RAD54L2: variants seen among roughly 807,000 people sequenced by gnomAD.
RAD54L2 encodes the protein RAD54 like 2.
In RAD54L2, 27 loss-of-function variants were observed where a neutral mutation model predicts 138.4. That is an observed-to-expected ratio of 0.20 (90% CI 0.14 to 0.27). The LOEUF is 0.27. Among genes scored for constraint, RAD54L2 ranks in the 10% least tolerant of loss-of-function variants. RAD54L2 has a pLI of 1.00. For synonymous variants in RAD54L2, 644 were observed against 723.2 expected, an observed-to-expected ratio of 0.89 and a Z score of 1.76; for missense variants, 1,396 against 1,890.2, an observed-to-expected ratio of 0.74 and a Z score of 4.85.
In RAD54L2 at chr3:51,643,734, C is replaced by A. The variant is rs1444394487; in HGVS notation, c.2351-141C>A. The A allele has an allele frequency of 1.0e-5, 7 of 696,818 alleles. No homozygotes were observed. In the East Asian group the frequency reaches 1.7e-4, roughly 17 times the overall value. 43.2% of individuals were successfully genotyped at this position (696,818 alleles called of 1,614,324 possible). ...ATGCCTGGGCCTTACTTACTGTAGA[C>A]CCATGATACGTCCAAGGGGTGAGAT... is the stretch of plus-strand genomic sequence containing the variant. On this transcript the variant is annotated intron_variant, in intron 15 of 22. Transcript: ENST00000684192.
At chr3:51,566,466 GTTTTTTTTTT>G (rs71084149) in intron 2 of RAD54L2, among the ~76,000 whole-genome samples, 381 of 31,514 alleles carry the variant, frequency 0.012, no homozygotes, top group Middle Eastern at 0.023. Flanking sequence ...CCTTTTCTGC[GTTTTTTTTTT>G]TTTTTTTTTT....
intron 14 of RAD54L2, among the ~76,000 whole-genome samples, chr3:51,640,946 C>T (rs973160423): frequency 2.6e-5 from 4 of 152,102 alleles, no homozygotes; most frequent in East Asian, 3.9e-4. Flanking sequence ...TCCCATTATA[C>T]GCTAGGAAGG....
chr3:51,584,554 A>G (rs1190459510), intron 2 of RAD54L2, among the ~76,000 whole-genome samples: 2 of 151,308 alleles, frequency 1.3e-5, no homozygotes, highest in Admixed American at 6.6e-5. Flanking sequence ...AACAGTCCAT[A>G]GTGGATCTCT....
chr3:51,558,631 T>G (rs1699027949), intron 2 of RAD54L2, among the ~76,000 whole-genome samples: 1 of 152,074 alleles, frequency 6.6e-6, no homozygotes, highest in South Asian at 2.1e-4. Flanking sequence ...CCACTATGCC[T>G]GGCTAATTCT....
chr3:51,652,932 A>G (rs924934310), intron 19 of RAD54L2, among the ~76,000 whole-genome samples: 1 of 152,226 alleles, frequency 6.6e-6, no homozygotes, highest in Non-Finnish European at 1.5e-5. Context: ...GACAAATGGG[A>G]TCTAATTAAA....
intron 2 of RAD54L2, among the ~76,000 whole-genome samples, chr3:51,572,455 A>C (rs1699357614): frequency 6.7e-6 from 1 of 149,136 alleles, no homozygotes. Flanking sequence ...TCCGTCTTAA[A>C]AAAAAAAAAA....
intron 2 of RAD54L2, among the ~76,000 whole-genome samples, chr3:51,570,883 A>G (rs1321348032): frequency 1.3e-5 from 2 of 151,676 alleles, no homozygotes; most frequent in Non-Finnish European, 2.9e-5. Context: ...GTGCAATGGC[A>G]TGATCTTGGC....
chr3:51,613,043 C>T (rs1351311706), intron 3 of RAD54L2, among the ~76,000 whole-genome samples: 4 of 152,014 alleles, frequency 2.6e-5, no homozygotes, highest in Non-Finnish European at 4.4e-5. Context: ...GGGTTCATGC[C>T]ATTCTCCAGC....
At chr3:51,582,923 G>A (rs894030902) in intron 2 of RAD54L2, among the ~76,000 whole-genome samples, 9 of 152,040 alleles carry the variant, frequency 5.9e-5, no homozygotes, top group South Asian at 2.1e-4. Flanking sequence ...CCGCCACCGC[G>A]CCCGGCTAAT....
At chr3:51,558,037 G>A (rs1050197665) in intron 2 of RAD54L2, among the ~76,000 whole-genome samples, 1 of 151,794 alleles carries the variant, frequency 6.6e-6, no homozygotes. Flanking sequence ...GTAGAGAGAG[G>A]GTTTTACCGT....
intron 2 of RAD54L2, among the ~76,000 whole-genome samples, chr3:51,585,729 A>G (rs371284964): frequency 1.2e-3 from 176 of 152,260 alleles, no homozygotes; most frequent in African/African-American, 4.1e-3. Flanking sequence ...AATATATTAA[A>G]CTGTAGACTT....
intron 2 of RAD54L2, among the ~76,000 whole-genome samples, chr3:51,569,627 C>A (rs1377511975): frequency 1.3e-5 from 2 of 152,142 alleles, no homozygotes; most frequent in Non-Finnish European, 2.9e-5. Flanking sequence ...CATGATCCGC[C>A]TGCCTTGGCC....
intron 2 of RAD54L2, among the ~76,000 whole-genome samples, chr3:51,576,572 T>G (rs1194069364): frequency 6.6e-6 from 1 of 152,180 alleles, no homozygotes; most frequent in Non-Finnish European, 1.5e-5. Context: ...TGGTTTAGTC[T>G]TGGGAGGGTG....
intron 19 of RAD54L2, among the ~76,000 whole-genome samples, chr3:51,652,041 T>C (rs1701452968): frequency 6.6e-6 from 1 of 152,232 alleles, no homozygotes; most frequent in Non-Finnish European, 1.5e-5. Context: ...GAAAACCCCA[T>C]TGTCTCAGCC....
intron 19 of RAD54L2, among the ~76,000 whole-genome samples, chr3:51,652,937 A>C (rs1701482246): frequency 6.6e-6 from 1 of 152,254 alleles, no homozygotes; most frequent in Non-Finnish European, 1.5e-5. Context: ...ATGGGATCTA[A>C]TTAAACTAAA....
intron 15 of RAD54L2, among the ~76,000 whole-genome samples, chr3:51,642,171 T>C (rs1701154448): frequency 6.6e-6 from 1 of 152,084 alleles, no homozygotes; most frequent in Non-Finnish European, 1.5e-5. Flanking sequence ...ATAGAATCAC[T>C]GTGGTGAGGA....
At position 51,566,334 on chromosome 3, in the gene RAD54L2, C is replaced by T. The variant is rs181317486; in HGVS notation, c.-54-24033C>T. On this transcript the variant is annotated intron_variant, in intron 2 of 22. Coordinates refer to ENST00000684192, the MANE Select transcript of RAD54L2 (RefSeq NM_015106.4). ...TGTTCTGAATTTAAAGGGTACACTC[C>T]CAGTCATACTGTGTGGGGCTTGTTT... 7.2e-5 allele frequency among the ~76,000 whole-genome samples: 11 copies of T among 152,090 alleles called. No individual in the cohort carries two copies. The South Asian group carries it at 1.2e-3, about 17-fold the overall frequency.
At chr3:51,560,404 G>A (rs978684594) in intron 2 of RAD54L2, among the ~76,000 whole-genome samples, 3 of 146,116 alleles carry the variant, frequency 2.1e-5, no homozygotes, top group Non-Finnish European at 3.0e-5. Context: ...CTGTCACCTA[G>A]GCTGGAGTGC....
Position 51,637,198 on chromosome 3 carries a change from A to G in RAD54L2, c.1377A>G (p.Val459=). 6.3e-7 allele frequency: 1 copy of G among 1,592,012 alleles called. No homozygotes were observed. Among genetic ancestry groups the G allele is most frequent in the Non-Finnish European group, 8.6e-7 (1 of 1,169,134 alleles). ...CTTTATGCCGCCCTGGCCCTGATGT[A>G]GTAATCTGTGATGAGGGACACCGCA... ...EKALCRPGPD[V]VICDEGHRIK... is the part of the protein sequence containing the mutation. Residue 459 remains valine (V), a synonymous_variant, in exon 11 of 23, where the codon GTA becomes GTG. Coordinates refer to ENST00000684192, the MANE Select transcript of RAD54L2 (RefSeq NM_015106.4). The surrounding 1 kb of genome is among the most constrained non-coding windows in gnomAD (Gnocchi z 5.9).
Sources: gnomAD v4.1 joint callset for allele counts (sites outside exome capture counted in the v4.1 genomes callset) on GRCh38, gnomAD v4.1.1 for gene constraint, Gnocchi (gnomAD v3.1) non-coding constraint, MANE v1.5 for transcripts, NCBI Gene and HGNC (gene_info 2026-07-23, HGNC 2026-07-21) for gene names.